The following NIPBL variants were observed in gnomAD, a reference collection of about 807,000 sequenced individuals.
The protein encoded by NIPBL is nipped-B-like protein.
Under a neutral mutation model 321.8 loss-of-function variants are expected in NIPBL, and 19 were observed. That is an observed-to-expected ratio of 0.06 (90% CI 0.04 to 0.09). The LOEUF is 0.09. Ranked by LOEUF, NIPBL falls within the 10% of genes least tolerant of loss-of-function variation. The pLI, the probability that NIPBL is intolerant of heterozygous loss-of-function variation, is 1.00. For synonymous variants in NIPBL, 1,106 were observed against 1,114.1 expected, an observed-to-expected ratio of 0.99 and a Z score of 0.14; for missense variants, 2,210 against 3,327.0, an observed-to-expected ratio of 0.66 and a Z score of 8.26.
rs886060553 is a variant in NIPBL at position 36,876,834 on chromosome 5, T to TCCCCCCCCCC, written c.-416_-415insCCCCCCCCCC. The TCCCCCCCCCC allele has an allele frequency of 1.3e-5, 1 of 78,632 alleles. No individual in the cohort carries two copies. The highest frequency in any genetic ancestry group is 5.9e-5 in the African/African-American group (1 of 16,862). 4.9% of individuals were successfully genotyped at this position (78,632 alleles called of 1,614,324 possible). ...CACACAGGGCTCCTTCCCCCCGCCC[T>TCCCCCCCCCC]CCCCCCCCTCCCTCCGTCGGTACCG... On this transcript the variant is annotated 5_prime_UTR_variant, in exon 1 of 47. Transcript: ENST00000282516.
At chr5:37,051,723 CTAAA>C (rs754452435) in intron 40 of NIPBL, 52 bp from the exon 41 acceptor site, 1 of 1,237,128 alleles carries the variant, frequency 8.1e-7, no homozygotes. Context: ...TGACATATGT[CTAAA>C]TAGAGAATTT....
At chr5:36,882,921 A>G (rs959796979) in intron 1 of NIPBL, among the ~76,000 whole-genome samples, 10 of 151,592 alleles carry the variant, frequency 6.6e-5, no homozygotes, top group Non-Finnish European at 1.5e-4. Context: ...TACTTCGTGT[A>G]TAGTACACAA....
intron 9 of NIPBL, among the ~76,000 whole-genome samples, chr5:36,984,460 T>C (rs1349273392): frequency 6.6e-6 from 1 of 152,164 alleles, no homozygotes; most frequent in African/African-American, 2.4e-5. Context: ...TTCTTTTTAC[T>C]ATATTTATTG....
At chr5:37,003,747 A>G (rs766590094) in intron 16 of NIPBL, among the ~76,000 whole-genome samples, 1 of 152,200 alleles carries the variant, frequency 6.6e-6, no homozygotes, top group Non-Finnish European at 1.5e-5. Context: ...ACCATGAATT[A>G]CTAGTTACAT....
In NIPBL at chr5:36,956,371, A is replaced by AT. The variant is rs1179410365; in HGVS notation, c.230+741dup. On this transcript the variant is annotated intron_variant, in intron 3 of 46. Coordinates refer to ENST00000282516, the MANE Select transcript of NIPBL (RefSeq NM_133433.4). ...TTACTCATGTAACCTCGCATTCTTTATTTTTTTAATTTAAAAATTCATCAT... is the reference window on the plus strand; with the variant it reads ...TTACTCATGTAACCTCGCATTCTTTATTTTTTTTAATTTAAAAATTCATCAT... Among the ~76,000 whole-genome samples the AT allele has an allele frequency of 3.3e-5, 5 of 152,016 alleles. No homozygotes were observed. In the South Asian group the frequency reaches 1.0e-3, roughly 32 times the overall value.
chr5:37,000,820 C>A lies in NIPBL; in HGVS notation c.3506C>A (p.Ala1169Asp). Residue 1169 changes from alanine to aspartate, a missense_variant, in exon 13 of 47, where the codon GCT (alanine) becomes GAT (aspartate). Ala to Asp is a moderately radical substitution (Grantham distance 126). Transcript: ENST00000282516. ...YSPPPSLSEVARKMKKKEKQK... is the reference protein window; with the variant it reads ...YSPPPSLSEVDRKMKKKEKQK... ...TACTTCTTTTTGTTCGTTTTAGTTG[C>A]TAGGAAAATGAAGAAAAAAGAAAAA... is the stretch of plus-strand genomic sequence containing the variant. The A allele has an allele frequency of 6.2e-7, 1 of 1,608,824 alleles. No individual in the cohort carries two copies.
Position 37,020,591 on chromosome 5 carries a change from C to G in NIPBL, c.5143C>G (p.Gln1715Glu). ...HHAKEIETTG[Q>E]IMHRAENRKK... The stretch of plus-strand genomic sequence containing the variant: ...TGCAAAGGAAATTGAGACAACTGGC[C>G]AAATTATGCATCGAGCTGAAAACCG... The change falls in exon 26 of 47, where the codon CAA (glutamine) becomes GAA (glutamate). Residue 1715 changes from glutamine to glutamate, a missense_variant. Physicochemically the swap from Gln to Glu is conservative, Grantham distance 29. Transcript: ENST00000282516. 1 of 1,613,966 alleles carries G rather than the reference C, an allele frequency of 6.2e-7. No homozygotes were observed. Among genetic ancestry groups the G allele is most frequent in the African/African-American group, 1.3e-5 (1 of 74,986 alleles).
At chr5:36,952,051 T>TGCGCGCGC (rs1554010252) in intron 1 of NIPBL, among the ~76,000 whole-genome samples, 57 of 102,882 alleles carry the variant, frequency 5.5e-4, no homozygotes, top group Middle Eastern at 5.2e-3. Context: ...TGTGTGTGTG[T>TGCGCGCGC]GTGCGCGCGC....
rs778597604 is a variant in NIPBL, at chr5:36,952,053, T to TGTGTGTGTGTGTGTGCGC, written c.-79-1564_-79-1563insTGTGTGTGTGTGTGCGCG. 3.9e-3 allele frequency among the ~76,000 whole-genome samples: 438 copies of TGTGTGTGTGTGTGTGCGC among 112,152 alleles called. 5 individuals are homozygous for TGTGTGTGTGTGTGTGCGC. The highest frequency in any genetic ancestry group is 5.1e-3 in the Non-Finnish European group (274 of 53,648). The allele number at this position is 112,152 out of a possible 152,430, so 73.6% of individuals were successfully genotyped here. ...GTGTGTGTGTGTGTGTGTGTGTGTG[T>TGTGTGTGTGTGTGTGCGC]GCGCGCGCGCGCGCGCGCGCATGTG... is the stretch of plus-strand genomic sequence containing the variant. On this transcript the variant is annotated intron_variant, in intron 1 of 46. Coordinates refer to ENST00000282516, the MANE Select transcript of NIPBL (RefSeq NM_133433.4).
chr5:37,041,230 A>G (rs1281208786), intron 34 of NIPBL, among the ~76,000 whole-genome samples: 1 of 83,100 alleles, frequency 1.2e-5, no homozygotes, highest in Non-Finnish European at 2.4e-5. Flanking sequence ...AGAAAATGCT[A>G]CTTTTTTGTT....
chr5:37,063,674 A>G, intron 45 of NIPBL, 116 bp from the exon 46 acceptor site: 1 of 970,276 alleles, frequency 1.0e-6, no homozygotes, highest in Non-Finnish European at 1.5e-6. Flanking sequence ...AATTTAGATG[A>G]TGGCTAACGT....
intron 1 of NIPBL, among the ~76,000 whole-genome samples, chr5:36,930,695 T>C (rs1198172516): frequency 6.6e-6 from 1 of 152,182 alleles, no homozygotes; most frequent in Non-Finnish European, 1.5e-5. Flanking sequence ...ATGCTCTTTA[T>C]TAGGTTGAAG....
chr5:36,891,729 G>T (rs1268368173), intron 1 of NIPBL, among the ~76,000 whole-genome samples: 1 of 152,130 alleles, frequency 6.6e-6, no homozygotes, highest in Non-Finnish European at 1.5e-5. Flanking sequence ...TAGTAATGGA[G>T]TATGTTTTAT....
At chr5:37,041,188 A>AT (rs1174811610) in intron 34 of NIPBL, among the ~76,000 whole-genome samples, 4 of 106,226 alleles carry the variant, frequency 3.8e-5, no homozygotes, top group Non-Finnish European at 5.8e-5. Context: ...CTTTTACTTG[A>AT]TTTTCCAGGC....
At chr5:37,002,871 A>C in intron 15 of NIPBL, 106 bp downstream of exon 15, 2 of 714,934 alleles carry the variant, frequency 2.8e-6, no homozygotes, top group South Asian at 3.6e-5. Flanking sequence ...AAATAGTAAA[A>C]AGAAAACTCA....
intron 1 of NIPBL, among the ~76,000 whole-genome samples, chr5:36,929,697 G>T (rs1561397890): frequency 2.0e-5 from 3 of 151,978 alleles, no homozygotes. Context: ...CCTTTAGATG[G>T]TTTATAGTTT....
At chr5:36,964,916 A>G (rs1742035979) in intron 6 of NIPBL, among the ~76,000 whole-genome samples, 1 of 152,206 alleles carries the variant, frequency 6.6e-6, no homozygotes, top group Non-Finnish European at 1.5e-5. Flanking sequence ...GCCAGCAGAT[A>G]CAGCAAAAAA....
intron 1 of NIPBL, among the ~76,000 whole-genome samples, chr5:36,910,133 T>A (rs1747937043): frequency 2.6e-5 from 4 of 151,492 alleles, no homozygotes; most frequent in African/African-American, 4.9e-5. Flanking sequence ...TAAAAATGTG[T>A]GTGTATGGAT....
At chr5:37,032,301 T>C (rs930280239) in intron 32 of NIPBL, among the ~76,000 whole-genome samples, 1 of 151,762 alleles carries the variant, frequency 6.6e-6, no homozygotes, top group African/African-American at 2.4e-5. Context: ...AAACGGGGAG[T>C]ATACTGAAGT....
Sources: gnomAD v4.1 joint callset for allele counts (sites outside exome capture counted in the v4.1 genomes callset) on GRCh38, gnomAD v4.1.1 for gene constraint, MANE v1.5 for transcripts, NCBI Gene and HGNC (gene_info 2026-07-23, HGNC 2026-07-21) for gene names.